VDAC1: variants seen among roughly 807,000 people sequenced by gnomAD.
The protein encoded by VDAC1 is non-selective voltage-gated ion channel VDAC1.
In VDAC1, 10 loss-of-function variants were observed where a neutral mutation model predicts 34.7. The observed-to-expected ratio is 0.29, with a 90% CI of 0.18 to 0.49. VDAC1 has a LOEUF of 0.49. VDAC1 is among the 20% of genes least tolerant of loss of function. The pLI is 0.99. For missense variants in VDAC1, 230 were observed against 347.9 expected (o/e 0.66, Z 2.69); for synonymous variants, 130 against 136.0 (o/e 0.96, Z 0.30).
intron 5 of VDAC1, among the ~76,000 whole-genome samples, chr5:133,984,745 G>A (rs1258537183): frequency 6.6e-6 from 1 of 152,066 alleles, no homozygotes; most frequent in Non-Finnish European, 1.5e-5. Context: ...AGACCAGCCT[G>A]GCCAACATGG....
At chr5:134,058,671 C>T in the VDAC1 span, among the ~76,000 whole-genome samples, 1 of 152,162 alleles carries the variant, frequency 6.6e-6, no homozygotes, top group Non-Finnish European at 1.5e-5. Flanking sequence ...ATGCATTGCA[C>T]CAGCCTTGAT....
chr5:134,036,783 C>T, the VDAC1 span, among the ~76,000 whole-genome samples: 1 of 151,872 alleles, frequency 6.6e-6, no homozygotes. Flanking sequence ...GAAACCTCAT[C>T]TCTACTAAAA....
At chr5:134,103,699 C>G in the VDAC1 span, among the ~76,000 whole-genome samples, 25 of 152,260 alleles carry the variant, frequency 1.6e-4, no homozygotes, top group Non-Finnish European at 2.9e-4. Context: ...TGCTTCCCCC[C>G]TGCAGATTTG....
At chr5:134,112,962 C>T in the VDAC1 span, among the ~76,000 whole-genome samples, 3 of 152,146 alleles carry the variant, frequency 2.0e-5, no homozygotes, top group African/African-American at 2.4e-5. Flanking sequence ...CACATGAGGA[C>T]CCCTAAAGCC....
chr5:134,087,292 G>A, the VDAC1 span, among the ~76,000 whole-genome samples: 2 of 151,934 alleles, frequency 1.3e-5, no homozygotes, highest in South Asian at 2.1e-4. Context: ...GAGGGGAGGC[G>A]GATTGCTGAG....
chr5:133,973,502 A>G (rs1200273356), intron 8 of VDAC1, among the ~76,000 whole-genome samples: 1 of 152,238 alleles, frequency 6.6e-6, no homozygotes, highest in Non-Finnish European at 1.5e-5. Flanking sequence ...ATCTGCCAGA[A>G]ATAAGTATCA....
chr5:134,046,087 G>A, the VDAC1 span, among the ~76,000 whole-genome samples: 3 of 151,156 alleles, frequency 2.0e-5, no homozygotes, highest in East Asian at 1.9e-4. Flanking sequence ...GTGCAGTGGC[G>A]CAATCTCGGC....
At chr5:134,084,748 G>T in the VDAC1 span, among the ~76,000 whole-genome samples, 1 of 152,258 alleles carries the variant, frequency 6.6e-6, no homozygotes, top group Non-Finnish European at 1.5e-5. Flanking sequence ...GCATGTGAAT[G>T]GGCTTCAAAA....
At chr5:134,105,045 C>G in the VDAC1 span, among the ~76,000 whole-genome samples, 18 of 152,224 alleles carry the variant, frequency 1.2e-4, no homozygotes, top group Non-Finnish European at 2.6e-4. Flanking sequence ...AGCCTACCTC[C>G]CGAGAGCTCC....
At chr5:134,019,507 G>A in the VDAC1 span, among the ~76,000 whole-genome samples, 1 of 152,146 alleles carries the variant, frequency 6.6e-6, no homozygotes, top group African/African-American at 2.4e-5. Flanking sequence ...TTAAGCCCAG[G>A]AGATTAAGGC....
At chr5:133,982,525 A>G (rs1468858268) in intron 5 of VDAC1, among the ~76,000 whole-genome samples, 2 of 151,374 alleles carry the variant, frequency 1.3e-5, no homozygotes, top group Non-Finnish European at 2.9e-5. Flanking sequence ...AAAAAAAAAA[A>G]AAGAATTATA....
rs753784363 is a variant in VDAC1, at chr5:133,972,743, T to G, written c.*28A>C. 1.1e-5 allele frequency: 15 copies of G among 1,379,258 alleles called. No homozygotes were observed. 85.4% of individuals were successfully genotyped at this position (1,379,258 alleles called of 1,614,324 possible). A position where few individuals can be genotyped will look rare whatever the true frequency, so the allele number is the denominator to read the frequency against. On this transcript the variant is annotated 3_prime_UTR_variant, in exon 9 of 9. Transcript: ENST00000265333. ...AAGGTAGCTATGCTGCAAAATAGTTTAAAATTAAACAATTGTACAGTATTC... is the reference window on the plus strand; with the variant it reads ...AAGGTAGCTATGCTGCAAAATAGTTGAAAATTAAACAATTGTACAGTATTC...
At chr5:134,027,283 C>A in the VDAC1 span, among the ~76,000 whole-genome samples, 3 of 152,190 alleles carry the variant, frequency 2.0e-5, no homozygotes, top group Non-Finnish European at 4.4e-5. Context: ...CTCCCTCTCC[C>A]GCCCCATCAG....
the VDAC1 span, among the ~76,000 whole-genome samples, chr5:134,034,721 G>A: frequency 6.6e-6 from 1 of 152,140 alleles, no homozygotes; most frequent in African/African-American, 2.4e-5. Flanking sequence ...TGCATGCTGG[G>A]ACCGAGCTGG....
chr5:133,979,645 G>T (rs940914443), intron 6 of VDAC1, among the ~76,000 whole-genome samples: 1 of 152,108 alleles, frequency 6.6e-6, no homozygotes, highest in East Asian at 1.9e-4. Context: ...GACCAGGCTG[G>T]TCTTGAACTT....
chr5:134,113,587 A>G, the VDAC1 span, among the ~76,000 whole-genome samples: 1 of 152,208 alleles, frequency 6.6e-6, no homozygotes, highest in Non-Finnish European at 1.5e-5. Context: ...TCTACAGTGA[A>G]CCCAGCACAG....
the VDAC1 span, among the ~76,000 whole-genome samples, chr5:134,019,249 AC>A: frequency 6.6e-6 from 1 of 152,048 alleles, no homozygotes; most frequent in South Asian, 2.1e-4. Context: ...CTGCATGTAC[AC>A]CTAATTACAA....
At chr5:133,975,446 G>GT (rs1752440814) in intron 7 of VDAC1, among the ~76,000 whole-genome samples, 2 of 149,560 alleles carry the variant, frequency 1.3e-5, no homozygotes, top group South Asian at 4.3e-4. Context: ...CTTTGTTTTT[G>GT]TTTTTTTGAG....
At chr5:134,078,109 C>T in the VDAC1 span, among the ~76,000 whole-genome samples, 1 of 152,222 alleles carries the variant, frequency 6.6e-6, no homozygotes, top group Admixed American at 6.5e-5. Context: ...ATCTAGCACA[C>T]ACTGCCCAAC....
Sources: gnomAD v4.1 joint callset for allele counts (sites outside exome capture counted in the v4.1 genomes callset) on GRCh38, gnomAD v4.1.1 for gene constraint, MANE v1.5 for transcripts, NCBI Gene and HGNC (gene_info 2026-07-23, HGNC 2026-07-21) for gene names.